The following LAMA2 variants were observed in gnomAD, a reference collection of about 807,000 sequenced individuals.
The protein encoded by LAMA2 is laminin subunit alpha 2.
In LAMA2, 269 loss-of-function variants were observed where a neutral mutation model predicts 364.8. The observed-to-expected ratio is 0.74, with a 90% CI of 0.67 to 0.82. The LOEUF (loss-of-function observed/expected upper bound fraction) is 0.82, where lower values mean the gene tolerates loss of function less well. Ranked by LOEUF, LAMA2 falls within the 40% of genes least tolerant of loss-of-function variation. The pLI is 0.00. For synonymous variants in LAMA2, 1,379 were observed against 1,370.6 expected (o/e 1.01, Z -0.14); for missense variants, 3,807 against 3,873.2 (o/e 0.98, Z 0.45).
At chr6:129,512,603 G>T in intron 63 of LAMA2, 110 bp downstream of exon 63, 1 of 1,230,542 alleles carries the variant, frequency 8.1e-7, no homozygotes, top group Non-Finnish European at 1.2e-6. Context: ...TGTATTCTTT[G>T]TTGGGAGAAA....
At chr6:128,974,964 G>C (rs1179669331) in intron 1 of LAMA2, among the ~76,000 whole-genome samples, 1 of 151,028 alleles carries the variant, frequency 6.6e-6, no homozygotes, top group Non-Finnish European at 1.5e-5. Flanking sequence ...CCATTCTCCT[G>C]CCTCGGCCTC....
rs1199413776 is a variant in LAMA2, at chr6:129,353,352, G to A, written c.4712G>A (p.Cys1571Tyr). The A allele has an allele frequency of 1.9e-6, 3 of 1,612,968 alleles. No individual in the cohort carries two copies. The highest frequency in any genetic ancestry group is 1.1e-5 in the South Asian group (1 of 91,060). ...TGGCATGCACGCGAGGGCTGGGAGT[G>A]TGTTTGTACGTATACTAACTTTGCT... The part of the protein sequence containing the change: ...KHWHAREGWE[C>Y]VFCGDECTGL... Residue 1571 changes from cysteine (C) to tyrosine (Y), a missense_variant, in exon 32 of 65, where the codon TGT becomes TAT. Around this residue, in one of 3 missense-constraint regions of LAMA2, gnomAD observed 3,333 missense variants for 3,345.7 expected, o/e 1.00. Coordinates refer to ENST00000421865, the MANE Select transcript of LAMA2 (RefSeq NM_000426.4).
At chr6:129,391,792 CATCT>C (rs10648375) in intron 36 of LAMA2, 139 bp downstream of exon 36, 167 of 681,196 alleles carry the variant, frequency 2.5e-4, no homozygotes, top group East Asian at 7.3e-4. Flanking sequence ...TGTTATCTAT[CATCT>C]ATCTATCTAT....
intron 1 of LAMA2, among the ~76,000 whole-genome samples, chr6:128,925,721 G>GTC: frequency 6.6e-6 from 1 of 152,120 alleles, no homozygotes; most frequent in African/African-American, 2.4e-5. Context: ...CACTCCCAGT[G>GTC]CTCTATACAG....
At position 129,365,722 on chromosome 6, in the gene LAMA2, A is replaced by G. The variant is rs138055319; in HGVS notation, c.4718-497A>G. 3.8e-3 allele frequency among the ~76,000 whole-genome samples: 572 copies of G among 151,396 alleles called. 3 individuals are homozygous for G. The highest frequency in any genetic ancestry group is 0.013 in the African/African-American group (526 of 41,268). ...TCAATAGATACCAAGCTAAAAATTT[A>G]TATACTTTTTGAATGTGTAATACAT... On this transcript the variant is annotated intron_variant, in intron 32 of 64. Transcript: ENST00000421865.
In LAMA2 at chr6:129,216,661, TTAA is replaced by T. The variant is rs1371135676; in HGVS notation, c.1782+23811_1782+23813del. The stretch of plus-strand genomic sequence containing the variant: ...TAAAGAAAATTATTATATCTTTTTA[TTAA>T]TATGGTGGATATTTACTCAGTAAAT... On this transcript the variant is annotated intron_variant, in intron 12 of 64. Transcript: ENST00000421865. 3.9e-5 allele frequency among the ~76,000 whole-genome samples: 6 copies of T among 152,296 alleles called. No individual in the cohort carries two copies. The East Asian group carries it at 1.2e-3, about 29-fold the overall frequency.
At chr6:129,442,730 T>A (rs1782180442) in intron 43 of LAMA2, 1 of 362,386 alleles carries the variant, frequency 2.8e-6, no homozygotes, top group African/African-American at 2.2e-5. Context: ...GATTCTCAAC[T>A]GGTAGTGGCC....
chr6:128,958,613 A>G (rs1432736143), intron 1 of LAMA2, among the ~76,000 whole-genome samples: 1 of 152,160 alleles, frequency 6.6e-6, no homozygotes, highest in Non-Finnish European at 1.5e-5. Context: ...TTGGAAATAC[A>G]TATAATATTG....
Position 129,050,013 on chromosome 6 carries a change from GT to G in LAMA2, c.209del (p.Val70GlufsTer9). Reference sequence around the variant, plus strand: ...AGGACCTGAAATGTACTGCAAATTGGTAGAACATGTCCCTGGGCAGCCTGTG... The same window carrying G: ...AGGACCTGAAATGTACTGCAAATTGGAGAACATGTCCCTGGGCAGCCTGTG... ...EKGPEMYCKL[V>X]EHVPGQPVRN... On this transcript the variant is annotated frameshift_variant, in exon 2 of 65. Transcript: ENST00000421865. LOFTEE classifies it high-confidence loss of function. 1 of 1,614,076 alleles carries G rather than the reference GT, an allele frequency of 6.2e-7. No homozygotes were observed. Among genetic ancestry groups the G allele is most frequent in the Non-Finnish European group, 8.5e-7 (1 of 1,179,994 alleles).
intron 4 of LAMA2, among the ~76,000 whole-genome samples, chr6:129,128,169 T>C (rs1279624403): frequency 1.3e-5 from 2 of 152,196 alleles, no homozygotes; most frequent in Non-Finnish European, 2.9e-5. Flanking sequence ...CGAATTGAGT[T>C]TTGTATATGA....
intron 4 of LAMA2, among the ~76,000 whole-genome samples, chr6:129,118,745 G>T (rs946561840): frequency 4.6e-5 from 7 of 152,076 alleles, no homozygotes; most frequent in African/African-American, 1.4e-4. Context: ...ATCTCTCTAA[G>T]AATCAAAGAC....
At chr6:129,086,522 A>C (rs1161503651) in intron 3 of LAMA2, among the ~76,000 whole-genome samples, 1 of 152,210 alleles carries the variant, frequency 6.6e-6, no homozygotes, top group Non-Finnish European at 1.5e-5. Flanking sequence ...GAGACATGAG[A>C]ATAACCTTAG....
Position 129,369,904 on chromosome 6 carries a change from C to A in LAMA2, c.4873C>A (p.Pro1625Thr), listed in dbSNP as rs748473453. Reference sequence around the variant, plus strand: ...GAATCTTTTTCAGCACTTGCTGTCACCTCAGCGGGCCCCAGAGAGGCTTAT... The same window carrying A: ...GAATCTTTTTCAGCACTTGCTGTCAACTCAGCGGGCCCCAGAGAGGCTTAT... ...MTQELKHLLS[P>T]QRAPERLIQL... Residue 1625 changes from proline (P) to threonine (T), a missense_variant, in exon 34 of 65, where the codon CCT (proline) becomes ACT (threonine). This residue lies in a region of LAMA2 where 3,333 missense variants were observed against 3,345.7 expected (regional missense o/e 1.00). Coordinates refer to ENST00000421865, the MANE Select transcript of LAMA2 (RefSeq NM_000426.4). 6.2e-7 allele frequency: 1 copy of A among 1,614,020 alleles called. No homozygotes were observed. The highest frequency in any genetic ancestry group is 8.5e-7 in the Non-Finnish European group (1 of 1,179,922).
At chr6:128,911,627 C>A (rs1032011951) in intron 1 of LAMA2, among the ~76,000 whole-genome samples, 20 of 152,218 alleles carry the variant, frequency 1.3e-4, no homozygotes, top group Non-Finnish European at 2.5e-4. Flanking sequence ...AGCTGTAGAC[C>A]GGAGCTGTTC....
intron 30 of LAMA2, 51 bp from the exon 31 acceptor site, chr6:129,349,247 A>T (rs1478545627): frequency 7.1e-7 from 1 of 1,410,614 alleles, no homozygotes; most frequent in Non-Finnish European, 1.0e-6. Flanking sequence ...ATACTATTTT[A>T]TAAAATAAAT....
At chr6:128,904,861 T>A (rs1777322391) in intron 1 of LAMA2, among the ~76,000 whole-genome samples, 1 of 152,196 alleles carries the variant, frequency 6.6e-6, no homozygotes, top group African/African-American at 2.4e-5. Context: ...ATTGTTAATT[T>A]AGTTAAAGGA....
At chr6:129,031,976 T>C (rs1786262003) in intron 1 of LAMA2, among the ~76,000 whole-genome samples, 1 of 152,120 alleles carries the variant, frequency 6.6e-6, no homozygotes, top group South Asian at 2.1e-4. Context: ...TACACTACCA[T>C]GCCTGGCCAA....
chr6:129,470,232 A>G (rs1456805423), intron 51 of LAMA2, among the ~76,000 whole-genome samples: 1 of 151,840 alleles, frequency 6.6e-6, no homozygotes, highest in African/African-American at 2.4e-5. Context: ...TGGGGGGGTC[A>G]TAAGACCAAC....
At chr6:129,042,428 A>C (rs962834792) in intron 1 of LAMA2, among the ~76,000 whole-genome samples, 2 of 152,150 alleles carry the variant, frequency 1.3e-5, no homozygotes, top group Non-Finnish European at 2.9e-5. Context: ...ATCTTTTAAT[A>C]TACTGCAAAC....
Sources: allele counts gnomAD v4.1 joint callset (sites outside exome capture counted in the v4.1 genomes callset), GRCh38; gene constraint gnomAD v4.1.1; regional missense constraint gnomAD v4.1.1; transcripts MANE v1.5; gene names NCBI Gene and HGNC (gene_info 2026-07-23, HGNC 2026-07-21).